JAKMIP2: variants seen among roughly 807,000 people sequenced by gnomAD.
The protein encoded by JAKMIP2 is janus kinase and microtubule interacting protein 2.
Under a neutral mutation model 115.0 loss-of-function variants are expected in JAKMIP2, and 25 were observed. That is an observed-to-expected ratio of 0.22 (90% confidence interval 0.16 to 0.30). The LOEUF (loss-of-function observed/expected upper bound fraction) is 0.30. JAKMIP2 is among the 10% of genes least tolerant of loss of function. The pLI, the probability that JAKMIP2 is intolerant of heterozygous loss-of-function variation, is 1.00. For synonymous variants in JAKMIP2, 334 were observed against 343.6 expected, an observed-to-expected ratio of 0.97 and a Z score of 0.31; for missense variants, 642 against 957.6, an observed-to-expected ratio of 0.67 and a Z score of 4.35.
At chr5:147,616,096 G>C (rs757940251) in intron 19 of JAKMIP2, among the ~76,000 whole-genome samples, 1 of 152,094 alleles carries the variant, frequency 6.6e-6, no homozygotes, top group Non-Finnish European at 1.5e-5. Flanking sequence ...CAGGCAGATG[G>C]GGAGAGAGAA....
intron 20 of JAKMIP2, among the ~76,000 whole-genome samples, chr5:147,611,926 G>A (rs1276408808): frequency 6.6e-6 from 1 of 152,068 alleles, no homozygotes; most frequent in Non-Finnish European, 1.5e-5. Flanking sequence ...AAGGATGAAA[G>A]GTCTTTTTAT....
At chr5:147,753,953 A>C (rs530626163) in intron 1 of JAKMIP2, among the ~76,000 whole-genome samples, 1 of 152,294 alleles carries the variant, frequency 6.6e-6, no homozygotes, top group South Asian at 2.1e-4. Context: ...TGAGTGGCTA[A>C]TGAATTCCTG....
At chr5:147,757,881 C>T (rs541626975) in intron 1 of JAKMIP2, among the ~76,000 whole-genome samples, 1 of 152,218 alleles carries the variant, frequency 6.6e-6, no homozygotes, top group South Asian at 2.1e-4. Flanking sequence ...ATGGAATCAA[C>T]TTCAATCCAC....
At chr5:147,756,734 A>G (rs1387696559) in intron 1 of JAKMIP2, among the ~76,000 whole-genome samples, 1 of 152,122 alleles carries the variant, frequency 6.6e-6, no homozygotes, top group African/African-American at 2.4e-5. Context: ...GGGCCTGCCA[A>G]TATAAACAGC....
At chr5:147,647,588 C>T (rs1053356292) in intron 5 of JAKMIP2, among the ~76,000 whole-genome samples, 3 of 152,118 alleles carry the variant, frequency 2.0e-5, no homozygotes, top group Non-Finnish European at 4.4e-5. Flanking sequence ...ACCCTACCTT[C>T]TTAATAATGA....
intron 3 of JAKMIP2, among the ~76,000 whole-genome samples, chr5:147,651,497 C>G (rs763569909): frequency 6.6e-6 from 1 of 152,074 alleles, no homozygotes; most frequent in Non-Finnish European, 1.5e-5. Flanking sequence ...TGTGTACATT[C>G]AAAATGGAGA....
chr5:147,603,302 C>T (rs576841900), intron 20 of JAKMIP2, among the ~76,000 whole-genome samples: 1 of 152,238 alleles, frequency 6.6e-6, no homozygotes, highest in African/African-American at 2.4e-5. Flanking sequence ...GTGTCTGTCT[C>T]ATAGAGTAAT....
At chr5:147,775,112 C>G (rs1176923991) in intron 1 of JAKMIP2, among the ~76,000 whole-genome samples, 2 of 152,170 alleles carry the variant, frequency 1.3e-5, no homozygotes, top group African/African-American at 4.8e-5. Context: ...ACTTAAGTTA[C>G]AGCGTATCAG....
chr5:147,761,225 T>C (rs183977294), intron 1 of JAKMIP2, among the ~76,000 whole-genome samples: 5 of 152,244 alleles, frequency 3.3e-5, no homozygotes, highest in Admixed American at 2.0e-4. Flanking sequence ...ATTTTGACAA[T>C]GTAGTTCTTC....
intron 1 of JAKMIP2, among the ~76,000 whole-genome samples, chr5:147,780,999 C>T (rs556186989): frequency 6.6e-6 from 1 of 152,244 alleles, no homozygotes; most frequent in Non-Finnish European, 1.5e-5. Flanking sequence ...GGGAATGGAA[C>T]CTCCTCATCT....
intron 1 of JAKMIP2, among the ~76,000 whole-genome samples, chr5:147,686,375 G>A (rs1360922670): frequency 6.6e-6 from 1 of 152,108 alleles, no homozygotes; most frequent in Non-Finnish European, 1.5e-5. Flanking sequence ...CTTTCTTGGG[G>A]AAGCCAGCCT....
At chr5:147,627,678 T>TAA (rs768481105) in intron 16 of JAKMIP2, among the ~76,000 whole-genome samples, 12,891 of 70,252 alleles carry the variant, frequency 0.18, 2,921 homozygotes, top group Middle Eastern at 0.3. Flanking sequence ...AGCCTTTCTG[T>TAA]AAAAAAAAAA....
intron 2 of JAKMIP2, among the ~76,000 whole-genome samples, chr5:147,663,567 C>T (rs151203378): frequency 0.013 from 1,977 of 152,294 alleles, 26 homozygotes; most frequent in Non-Finnish European, 0.019. Context: ...TAATAAACCT[C>T]CTTTTATAGA....
At chr5:147,648,612 C>G in intron 4 of JAKMIP2, 138 bp from the exon 5 acceptor site, 1 of 605,386 alleles carries the variant, frequency 1.7e-6, no homozygotes, top group Admixed American at 2.9e-5. Flanking sequence ...ATTCTTTTAT[C>G]CAAAGAGTAA....
chr5:147,679,762 G>A (rs991208543), intron 1 of JAKMIP2, among the ~76,000 whole-genome samples: 1 of 152,196 alleles, frequency 6.6e-6, no homozygotes, highest in East Asian at 1.9e-4. Context: ...AAATGGCAGA[G>A]CTGCAACTCA....
rs372392725 is a variant in JAKMIP2, at chr5:147,660,990, G to C, written c.585C>G (p.Ile195Met). Residue 195 changes from isoleucine to methionine, a missense_variant, in exon 3 of 22, where the codon ATC becomes ATG. Around this residue, in one of 6 missense-constraint regions of JAKMIP2, gnomAD observed 439 missense variants for 570.9 expected, o/e 0.77. Transcript: ENST00000616793. ...RSEHQSHQEA[I>M]SKIKWESERD... is the part of the protein sequence containing the mutation. ...GCTCCGACTCCCACTTGATCTTCGA[G>C]ATGGCTTCTTGGTGGGACTGATGCT... 16 of 1,613,894 alleles carry C rather than the reference G, an allele frequency of 9.9e-6. No individual in the cohort carries two copies. The Admixed American group carries it at 1.0e-4, about 10-fold the overall frequency.
intron 14 of JAKMIP2, 53 bp from the exon 15 acceptor site, chr5:147,629,799 A>C: frequency 7.1e-7 from 1 of 1,404,308 alleles, no homozygotes; most frequent in Non-Finnish European, 1.0e-6. Context: ...CTCCTATTCC[A>C]TCAGTGCCTG....
At chr5:147,734,411 C>T (rs1269579601) in intron 1 of JAKMIP2, among the ~76,000 whole-genome samples, 1 of 147,554 alleles carries the variant, frequency 6.8e-6, no homozygotes, top group Non-Finnish European at 1.5e-5. Flanking sequence ...AACAGAAAAC[C>T]AAACACCACA....
intron 1 of JAKMIP2, among the ~76,000 whole-genome samples, chr5:147,719,749 T>C (rs12656057): frequency 0.45 from 66,642 of 147,414 alleles, 16,259 homozygotes; most frequent in African/African-American, 0.65. Context: ...TGTCTCTGCA[T>C]GTGAGATGGG....
Sources: allele counts gnomAD v4.1 joint callset (sites outside exome capture counted in the v4.1 genomes callset), GRCh38; gene constraint gnomAD v4.1.1; regional missense constraint gnomAD v4.1.1; transcripts MANE v1.5; gene names NCBI Gene and HGNC (gene_info 2026-07-23, HGNC 2026-07-21).